HS3ST5: variants seen among roughly 807,000 people sequenced by gnomAD.
HS3ST5 encodes the protein heparan sulfate-glucosamine 3-sulfotransferase 5, also known as heparan sulfate glucosamine 3-O-sulfotransferase 5.
Under a neutral mutation model 25.4 loss-of-function variants are expected in HS3ST5, and 10 were observed. The ratio of observed to expected loss-of-function variants is 0.39; its 90% CI spans 0.24 to 0.67. The LOEUF is 0.67. Among genes scored for constraint, HS3ST5 ranks in the 30% least tolerant of loss-of-function variants. HS3ST5 has a pLI of 0.44. For synonymous variants in HS3ST5, 170 were observed against 162.4 expected (o/e 1.05, Z -0.36); for missense variants, 324 against 420.7 (o/e 0.77, Z 2.01).
intron 1 of HS3ST5, among the ~76,000 whole-genome samples, chr6:114,270,622 G>C (rs1259355260): frequency 6.6e-6 from 1 of 152,146 alleles, no homozygotes; most frequent in East Asian, 1.9e-4. Flanking sequence ...GGGATGCAGG[G>C]AGGTTCTATG....
At chr6:114,077,904 C>T (rs1360775289) in intron 3 of HS3ST5, among the ~76,000 whole-genome samples, 1 of 152,018 alleles carries the variant, frequency 6.6e-6, no homozygotes, top group African/African-American at 2.4e-5. Context: ...TTTCATTATC[C>T]TCTCTCTGCA....
At chr6:114,205,817 G>A (rs181818574) in intron 2 of HS3ST5, among the ~76,000 whole-genome samples, 5 of 152,186 alleles carry the variant, frequency 3.3e-5, no homozygotes, top group African/African-American at 7.2e-5. Context: ...TCCCTCACAC[G>A]TGCAGTTCAC....
chr6:114,331,174 A>G (rs998730721), intron 1 of HS3ST5, among the ~76,000 whole-genome samples: 16 of 152,246 alleles, frequency 1.1e-4, no homozygotes, highest in Admixed American at 8.5e-4. Context: ...GCAAGATAAT[A>G]AAACTAGGCC....
intron 1 of HS3ST5, among the ~76,000 whole-genome samples, chr6:114,334,988 A>C (rs1044837684): frequency 1.8e-4 from 28 of 152,180 alleles, no homozygotes; most frequent in Non-Finnish European, 1.6e-4. Context: ...TCTTTTGTTC[A>C]TTGCAAGGAA....
intron 3 of HS3ST5, among the ~76,000 whole-genome samples, chr6:114,141,916 C>T (rs906736888): frequency 2.7e-5 from 4 of 150,194 alleles, no homozygotes; most frequent in African/African-American, 9.8e-5. Flanking sequence ...ATTTTGCATA[C>T]AAGCCTGCCA....
chr6:114,084,363 C>G lies in HS3ST5; in HGVS notation c.-32-21486G>C, dbSNP rs543604215. On this transcript the variant is annotated intron_variant, in intron 3 of 4. Transcript: ENST00000312719. The stretch of plus-strand genomic sequence containing the variant: ...CAGTGAACTCAGGAGCTGAATCAGT[C>G]CATTCACCCTGAAATTCCTCCTCGG... 4 of 757,076 alleles carry G rather than the reference C, an allele frequency of 5.3e-6. No homozygotes were observed. In the East Asian group the frequency reaches 9.8e-5, roughly 18 times the overall value. 46.9% of individuals were successfully genotyped at this position (757,076 alleles called of 1,614,324 possible).
intron 1 of HS3ST5, among the ~76,000 whole-genome samples, chr6:114,273,097 G>A (rs182186482): frequency 1.8e-4 from 27 of 152,158 alleles, no homozygotes; most frequent in Admixed American, 6.5e-4. Context: ...GGGAACAAGG[G>A]CAGAGGAAAG....
chr6:114,189,185 G>A (rs909385603), intron 2 of HS3ST5, among the ~76,000 whole-genome samples: 71 of 152,178 alleles, frequency 4.7e-4, no homozygotes, highest in African/African-American at 1.7e-3. Flanking sequence ...ATACCATTTA[G>A]TATAGATTTA....
intron 1 of HS3ST5, among the ~76,000 whole-genome samples, chr6:114,300,410 A>G (rs1391760938): frequency 6.6e-6 from 1 of 152,212 alleles, no homozygotes; most frequent in Non-Finnish European, 1.5e-5. Context: ...GATGCTCAAC[A>G]TCATTAGTAA....
At chr6:114,311,454 C>T (rs1351108744) in intron 1 of HS3ST5, among the ~76,000 whole-genome samples, 1 of 151,216 alleles carries the variant, frequency 6.6e-6, no homozygotes, top group Non-Finnish European at 1.5e-5. Context: ...ATATTTCCAT[C>T]ACAATATTAA....
At chr6:114,177,872 TG>T in intron 2 of HS3ST5, among the ~76,000 whole-genome samples, 1 of 152,320 alleles carries the variant, frequency 6.6e-6, no homozygotes, top group East Asian at 1.9e-4. Flanking sequence ...GAAATAAGAA[TG>T]TTTTTTCATA....
At chr6:114,230,099 A>G (rs1176878139) in intron 1 of HS3ST5, 3 of 141,182 alleles carry the variant, frequency 2.1e-5, no homozygotes, top group Non-Finnish European at 4.6e-5. Context: ...AACAGCCTTC[A>G]TTCTGACAGA....
At chr6:114,320,803 T>C (rs1433982797) in intron 1 of HS3ST5, among the ~76,000 whole-genome samples, 3 of 151,890 alleles carry the variant, frequency 2.0e-5, no homozygotes, top group African/African-American at 7.3e-5. Context: ...CAGAAAACCA[T>C]GAAATATTAG....
chr6:114,224,712 A>G (rs1782208390), intron 2 of HS3ST5, among the ~76,000 whole-genome samples: 1 of 151,050 alleles, frequency 6.6e-6, no homozygotes, highest in Non-Finnish European at 1.5e-5. Context: ...ACACACACAC[A>G]CACACACACC....
intron 3 of HS3ST5, among the ~76,000 whole-genome samples, chr6:114,096,744 A>G (rs1775446396): frequency 6.6e-6 from 1 of 152,154 alleles, no homozygotes. Flanking sequence ...TAATAGGCAT[A>G]TAAGTGCCAC....
chr6:114,061,575 T>G (rs568368924), intron 4 of HS3ST5, among the ~76,000 whole-genome samples: 1 of 152,360 alleles, frequency 6.6e-6, no homozygotes, highest in Admixed American at 6.5e-5. Flanking sequence ...ATTTTCATTT[T>G]TAATTTTGTA....
chr6:114,075,403 A>G (rs1774065158), intron 3 of HS3ST5, among the ~76,000 whole-genome samples: 3 of 151,944 alleles, frequency 2.0e-5, no homozygotes, highest in Non-Finnish European at 4.4e-5. Context: ...AAAAAGCACA[A>G]CTCTTCCTTC....
chr6:114,193,464 G>A (rs753855042), intron 2 of HS3ST5, among the ~76,000 whole-genome samples: 1 of 152,184 alleles, frequency 6.6e-6, no homozygotes, highest in Non-Finnish European at 1.5e-5. Flanking sequence ...TACAATGGCT[G>A]TGGTAGAAGC....
chr6:114,062,514 A>G (rs561584557), intron 4 of HS3ST5, among the ~76,000 whole-genome samples: 34 of 152,336 alleles, frequency 2.2e-4, no homozygotes, highest in African/African-American at 7.9e-4. Flanking sequence ...ACAAGTGTCA[A>G]TGCACACGGA....
Sources: allele counts gnomAD v4.1 joint callset (sites outside exome capture counted in the v4.1 genomes callset), GRCh38; gene constraint gnomAD v4.1.1; transcripts MANE v1.5; gene names NCBI Gene and HGNC (gene_info 2026-07-23, HGNC 2026-07-21).